The following MYH4 variants were observed in gnomAD, a reference collection of about 807,000 sequenced individuals.
MYH4 encodes the protein myosin-4.
In MYH4, 200 loss-of-function variants were observed where a neutral mutation model predicts 229.9. The observed-to-expected ratio is 0.87, with a 90% CI of 0.78 to 0.98. MYH4 has a LOEUF of 0.98. MYH4 is among the 50% of genes least tolerant of loss of function. MYH4 has a pLI of 0.00. For synonymous variants in MYH4, 761 were observed against 834.6 expected, an observed-to-expected ratio of 0.91 and a Z score of 1.52; for missense variants, 2,148 against 2,332.6, an observed-to-expected ratio of 0.92 and a Z score of 1.63.
intron 5 of MYH4, 125 bp from the exon 6 acceptor site, chr17:10,464,833 G>T: frequency 1.1e-6 from 1 of 905,714 alleles, no homozygotes; most frequent in Non-Finnish European, 1.7e-6. Flanking sequence ...ATATGAATTT[G>T]TGCTTTGCTT....
Position 10,448,721 on chromosome 17 carries a change from C to T in MYH4, c.4428G>A (p.Lys1476=). The change falls in exon 32 of 40, where the codon AAG becomes AAA. Residue 1476 remains lysine (K), a synonymous_variant. Coordinates refer to ENST00000255381, the MANE Select transcript of MYH4 (RefSeq NM_017533.2). ...GCTCAGTGCTGAGAGAACGCGACTC[C>T]TTCTGGGAGGCCTCAAGTTCAGCCT... ...ETQAELEASQ[K]ESRSLSTELF... 1.2e-6 allele frequency: 2 copies of T among 1,614,100 alleles called. No individual in the cohort carries two copies. Among genetic ancestry groups the T allele is most frequent in the Non-Finnish European group, 8.5e-7 (1 of 1,180,012 alleles).
chr17:10,446,259 T>C (rs2072511373), intron 35 of MYH4, among the ~76,000 whole-genome samples: 2 of 152,084 alleles, frequency 1.3e-5, no homozygotes, highest in South Asian at 4.1e-4. Flanking sequence ...TACAGTACTA[T>C]ATATTTATTG....
At position 10,445,343 on chromosome 17, in the gene MYH4, G is replaced by A; in HGVS notation, c.5189C>T (p.Thr1730Ile). 6.2e-7 allele frequency: 1 copy of A among 1,613,642 alleles called. No homozygotes were observed. The highest frequency in any genetic ancestry group is 1.3e-5 in the African/African-American group (1 of 74,926). ...AATGTCTGTTTCCAGCTTCTTCTTG[G>A]TGTTGATCAGGCTGGTGTTCTGTTT... ...LHTQNTSLIN[T>I]KKKLETDISQ... The change falls in exon 36 of 40, where the codon ACC (threonine) becomes ATC (isoleucine). Residue 1730 changes from threonine (T) to isoleucine (I), a missense_variant. Thr to Ile is a moderately conservative substitution (Grantham distance 89). Coordinates refer to ENST00000255381, the MANE Select transcript of MYH4 (RefSeq NM_017533.2).
rs746074079 is a variant in MYH4, at chr17:10,450,513, T to C, written c.4121A>G (p.Gln1374Arg). 17 of 1,614,018 alleles carry C rather than the reference T, an allele frequency of 1.1e-5. No homozygotes were observed. The highest frequency in any genetic ancestry group is 1.4e-5 in the Non-Finnish European group (17 of 1,179,986). The change falls in exon 30 of 40, where the codon CAG (glutamine) becomes CGG (arginine). Residue 1374 changes from glutamine to arginine, a missense_variant. By Grantham distance (43) the Gln-to-Arg change is conservative. Coordinates refer to ENST00000255381, the MANE Select transcript of MYH4 (RefSeq NM_017533.2). Reference sequence around the variant, plus strand: ...GTCCGTCTCGTACTTGGTCCTCCACTGGGCAACCTCACTGTTGGCCTTGGA... The same window carrying C: ...GTCCGTCTCGTACTTGGTCCTCCACCGGGCAACCTCACTGTTGGCCTTGGA... ...GMSKANSEVA[Q>R]WRTKYETDAI... is the part of the protein sequence containing the mutation.
chr17:10,461,872 A>T (rs765409044), intron 11 of MYH4, among the ~76,000 whole-genome samples: 2 of 152,166 alleles, frequency 1.3e-5, no homozygotes, highest in African/African-American at 4.8e-5. Flanking sequence ...CTTTCCCCAG[A>T]TTATTGACTT....
chr17:10,446,777 C>A (rs756370530), intron 35 of MYH4, among the ~76,000 whole-genome samples: 3 of 152,112 alleles, frequency 2.0e-5, no homozygotes, highest in Non-Finnish European at 4.4e-5. Context: ...GTCTTCTGTG[C>A]TTTTTAAATA....
Position 10,463,550 on chromosome 17 carries a change from C to T in MYH4, c.741+1G>A. 1 of 1,610,948 alleles carries T rather than the reference C, an allele frequency of 6.2e-7. No homozygotes were observed. The highest frequency in any genetic ancestry group is 8.5e-7 in the Non-Finnish European group (1 of 1,177,154). On this transcript the variant is annotated splice_donor_variant, in intron 8 of 39. Coordinates refer to ENST00000255381, the MANE Select transcript of MYH4 (RefSeq NM_017533.2). LOFTEE classifies it high-confidence loss of function. ...AAGAAAATGAAGATCAAGAGACTTA[C>T]AAAGCGAGAGGAGTTGTCATTCCTC...
chr17:10,455,775 C>T, intron 18 of MYH4, 39 bp downstream of exon 18: 1 of 1,614,192 alleles, frequency 6.2e-7, no homozygotes, highest in Non-Finnish European at 8.5e-7. Flanking sequence ...GTCTATCGCA[C>T]ACACACTGGA....
chr17:10,453,082 A>G lies in MYH4; in HGVS notation c.3111+70T>C, dbSNP rs1027301441. On this transcript the variant is annotated intron_variant, in intron 24 of 39. Coordinates refer to ENST00000255381, the MANE Select transcript of MYH4 (RefSeq NM_017533.2). Reference sequence around the variant, plus strand: ...GACCAAGCGTTAAAGGCTTATGACTATCAGTGCTGGTTTCATGTCACAATT... The same window carrying G: ...GACCAAGCGTTAAAGGCTTATGACTGTCAGTGCTGGTTTCATGTCACAATT... 24 of 1,603,874 alleles carry G rather than the reference A, an allele frequency of 1.5e-5. No individual in the cohort carries two copies. The African/African-American group carries it at 3.2e-4, about 21-fold the overall frequency.
In MYH4 at chr17:10,448,945, T is replaced by C. The variant is rs894149996; in HGVS notation, c.4284A>G (p.Glu1428=). Residue 1428 remains glutamate (E), a synonymous_variant, in exon 31 of 40, where the codon GAA becomes GAG. Coordinates refer to ENST00000255381, the MANE Select transcript of MYH4 (RefSeq NM_017533.2). ...LEKTKQRLQN[E]VEDLMIDVER... ...CCACATCAATCATGAGGTCCTCTAC[T>C]TCATTCTGTAGCCTCTGCTTTGTCT... 2.5e-6 allele frequency: 4 copies of C among 1,614,062 alleles called. No homozygotes were observed. The African/African-American group carries it at 5.3e-5, about 22-fold the overall frequency.
In MYH4 at chr17:10,450,500, C is replaced by T; in HGVS notation, c.4134G>A (p.Lys1378=). Residue 1378 remains lysine, a synonymous_variant, in exon 30 of 40, where the codon AAG becomes AAA. Coordinates refer to ENST00000255381, the MANE Select transcript of MYH4 (RefSeq NM_017533.2). ...ANSEVAQWRT[K]YETDAIQRTE... is the part of the protein sequence containing the mutation. ...TGCGCTGGATGGCGTCCGTCTCGTA[C>T]TTGGTCCTCCACTGGGCAACCTCAC... 2 of 1,614,084 alleles carry T rather than the reference C, an allele frequency of 1.2e-6. No homozygotes were observed. The highest frequency in any genetic ancestry group is 4.5e-5 in the East Asian group (2 of 44,882).
In MYH4 at chr17:10,443,638, T is replaced by A. The variant is rs934498844; in HGVS notation, c.5668-111A>T. Reference sequence around the variant, plus strand: ...TGAATGAGAAAGAAAAAGGCTCCGTTGTCCAGGCATGGTGGCTCACACCTG... The same window carrying A: ...TGAATGAGAAAGAAAAAGGCTCCGTAGTCCAGGCATGGTGGCTCACACCTG... On this transcript the variant is annotated intron_variant, in intron 39 of 39. Transcript: ENST00000255381. This position sits in a 1 kb window ranked among gnomAD's most constrained non-coding sequence, Gnocchi z 4.6. 6 of 1,177,818 alleles carry A rather than the reference T, an allele frequency of 5.1e-6. No individual in the cohort carries two copies. The African/African-American group carries it at 9.2e-5, about 18-fold the overall frequency. 73.0% of individuals were successfully genotyped at this position (1,177,818 alleles called of 1,614,324 possible).
chr17:10,459,461 G>A, intron 14 of MYH4, 40 bp from the exon 15 acceptor site: 1 of 1,614,058 alleles, frequency 6.2e-7, no homozygotes, highest in South Asian at 1.1e-5. Flanking sequence ...CGCATAACAA[G>A]TATTCTATCT....
chr17:10,446,381 T>C (rs1190554418), intron 35 of MYH4, among the ~76,000 whole-genome samples: 1 of 152,166 alleles, frequency 6.6e-6, no homozygotes, highest in Non-Finnish European at 1.5e-5. Flanking sequence ...GTTTCCTATA[T>C]GTTTATACGG....
chr17:10,463,671 A>C, intron 7 of MYH4, 28 bp from the exon 8 acceptor site: 1 of 1,538,024 alleles, frequency 6.5e-7, no homozygotes, highest in Non-Finnish European at 8.9e-7. Flanking sequence ...AGACAGACAA[A>C]GAAAAAAGTT....
intron 35 of MYH4, 113 bp from the exon 36 acceptor site, chr17:10,445,475 T>A: frequency 1.5e-6 from 2 of 1,377,346 alleles, no homozygotes; most frequent in Non-Finnish European, 2.0e-6. Context: ...ATGTTTAGAA[T>A]AAAAACCAAA....
intron 4 of MYH4, 53 bp from the exon 5 acceptor site, chr17:10,465,651 T>TGGA: frequency 1.2e-6 from 2 of 1,608,764 alleles, no homozygotes; most frequent in South Asian, 2.2e-5. Context: ...TTATCTATCT[T>TGGA]GGAAATACTG....
chr17:10,451,358 G>A lies in MYH4; in HGVS notation c.3833C>T (p.Ser1278Leu), dbSNP rs145453135. ...TGTGTGTAAACGTGCCTTCTGGGCT[G>A]ACAACTCATTTATTAAGCGTTGTTG... ...EEQQRLINEL[S>L]AQKARLHTES... The change falls in exon 28 of 40, where the codon TCA becomes TTA. Residue 1278 changes from serine (S) to leucine (L), a missense_variant. Transcript: ENST00000255381. 1,064 of 1,614,004 alleles carry A rather than the reference G, an allele frequency of 6.6e-4. 3 individuals are homozygous for A. Among genetic ancestry groups the A allele is most frequent in the South Asian group, 4.3e-3 (392 of 91,068 alleles).
Position 10,463,079 on chromosome 17 carries a change from A to T in MYH4, c.904+11T>A. The T allele has an allele frequency of 7.5e-6, 12 of 1,603,760 alleles. No homozygotes were observed. Among genetic ancestry groups the T allele is most frequent in the Non-Finnish European group, 1.0e-5 (12 of 1,171,556 alleles). On this transcript the variant is annotated intron_variant, in intron 10 of 39. Transcript: ENST00000255381. ...ATTCTTTGGTAGAAATAAATCAAAG[A>T]TGTGTCTTACCAATGAGCTCTGGTT...
Sources: allele counts gnomAD v4.1 joint callset (sites outside exome capture counted in the v4.1 genomes callset), GRCh38; gene constraint gnomAD v4.1.1; non-coding constraint Gnocchi (gnomAD v3.1); transcripts MANE v1.5; gene names NCBI Gene and HGNC (gene_info 2026-07-23, HGNC 2026-07-21).